DZIP3: variants seen among roughly 807,000 people sequenced by gnomAD.
DZIP3 encodes DAZ interacting zinc finger protein 3.
Under a neutral mutation model 162.0 loss-of-function variants are expected in DZIP3, and 118 were observed. The ratio of observed to expected loss-of-function variants is 0.73; its 90% CI spans 0.63 to 0.85. The LOEUF (loss-of-function observed/expected upper bound fraction) is 0.85, where lower values mean the gene tolerates loss of function less well. Ranked by LOEUF, DZIP3 falls within the 40% of genes least tolerant of loss-of-function variation. The pLI, the probability that DZIP3 is intolerant of heterozygous loss-of-function variation, is 0.00. For missense variants in DZIP3, 1,331 were observed against 1,407.0 expected (o/e 0.95, Z 0.86); for synonymous variants, 438 against 458.6 (o/e 0.96, Z 0.57).
intron 26 of DZIP3, 43 bp from the exon 27 acceptor site, chr3:108,684,173 G>GT (rs752185217): frequency 1.2e-5 from 16 of 1,291,590 alleles, no homozygotes; most frequent in African/African-American, 3.8e-5. Context: ...ATAAATATGT[G>GT]GGGGGGGGTG....
At chr3:108,668,313 A>G (rs181233100) in intron 21 of DZIP3, among the ~76,000 whole-genome samples, 7 of 152,222 alleles carry the variant, frequency 4.6e-5, no homozygotes, top group Non-Finnish European at 8.8e-5. Context: ...TAGATTTTTT[A>G]GAAAGAAAAT....
rs541499840 is a variant in DZIP3, at chr3:108,656,993, C to T, written c.2199+2683C>T. On this transcript the variant is annotated intron_variant, in intron 19 of 32. Coordinates refer to ENST00000361582, the MANE Select transcript of DZIP3 (RefSeq NM_014648.4). ...GAAATATGGGACTATGTGAAAAGAC[C>T]AAATCTACGTCTGATTGGTGTACCT... is the stretch of plus-strand genomic sequence containing the variant. 2.1e-3 allele frequency among the ~76,000 whole-genome samples: 325 copies of T among 152,040 alleles called. 2 individuals carry two copies. Among genetic ancestry groups the T allele is most frequent in the African/African-American group, 7.5e-3 (312 of 41,472 alleles).
chr3:108,667,860 T>C (rs534313936), intron 21 of DZIP3, among the ~76,000 whole-genome samples: 8 of 152,174 alleles, frequency 5.3e-5, no homozygotes, highest in African/African-American at 1.9e-4. Flanking sequence ...GTTAAAGACA[T>C]AGTACTGAAC....
chr3:108,694,034 C>A lies in DZIP3; in HGVS notation c.*681C>A, dbSNP rs1487306702. On this transcript the variant is annotated 3_prime_UTR_variant, in exon 33 of 33. Coordinates refer to ENST00000361582, the MANE Select transcript of DZIP3 (RefSeq NM_014648.4). ...TCAGAATTAAAAGAATTCAGAGTTA[C>A]CTTGTGAGATAAATGTTCTTTGCTT... The A allele has an allele frequency of 6.6e-6, 1 of 152,060 alleles. No individual in the cohort carries two copies. Among genetic ancestry groups the A allele is most frequent in the Non-Finnish European group, 1.5e-5 (1 of 67,996 alleles). 9.4% of individuals were successfully genotyped at this position (152,060 alleles called of 1,614,324 possible).
chr3:108,654,655 T>C (rs1943029157), intron 19 of DZIP3, among the ~76,000 whole-genome samples: 1 of 151,834 alleles, frequency 6.6e-6, no homozygotes, highest in Admixed American at 6.6e-5. Context: ...ATGAGAAAAA[T>C]AGTTTTGTAA....
chr3:108,649,772 G>A (rs1277881691), intron 17 of DZIP3, among the ~76,000 whole-genome samples: 2 of 151,656 alleles, frequency 1.3e-5, no homozygotes, highest in South Asian at 2.1e-4. Context: ...TGTAAAACAC[G>A]AAGTCAAGAT....
In DZIP3 at chr3:108,686,502, G is replaced by T. The variant is rs371922680; in HGVS notation, c.3067G>T (p.Ala1023Ser). The T allele has an allele frequency of 5.6e-6, 9 of 1,612,498 alleles. No individual in the cohort carries two copies. Among genetic ancestry groups the T allele is most frequent in the Non-Finnish European group, 7.6e-6 (9 of 1,179,538 alleles). The change falls in exon 28 of 33, where the codon GCA becomes TCA. Residue 1023 changes from alanine (A) to serine (S), a missense_variant. Ala to Ser is a moderately conservative substitution (Grantham distance 99). Coordinates refer to ENST00000361582, the MANE Select transcript of DZIP3 (RefSeq NM_014648.4). ...TGTGGGAGACGCTGTGCCTCCCAGT[G>T]CAGGTCTGCGGAGTGATCCCTCCAT... ...APVGDAVPPS[A>S]GLRSDPSIMN...
upstream of DZIP3, chr3:108,589,545 C>A: frequency 2.0e-6 from 1 of 502,188 alleles, no homozygotes. Flanking sequence ...TTCTCGGTGA[C>A]GGCCGGGGTG....
chr3:108,674,007 A>G (rs1944013038), intron 23 of DZIP3, 71 bp from the exon 24 acceptor site: 2 of 1,147,292 alleles, frequency 1.7e-6, no homozygotes, highest in Non-Finnish European at 2.6e-6. Context: ...TTTACTTGAG[A>G]TGATTGAGAA....
chr3:108,613,837 T>C (rs1215323658), intron 4 of DZIP3, among the ~76,000 whole-genome samples: 2 of 152,106 alleles, frequency 1.3e-5, no homozygotes, highest in African/African-American at 2.4e-5. Flanking sequence ...AAAGAGATAA[T>C]CTAGAAAACC....
chr3:108,597,576 C>T (rs981566212), intron 1 of DZIP3, among the ~76,000 whole-genome samples: 1 of 152,070 alleles, frequency 6.6e-6, no homozygotes, highest in Non-Finnish European at 1.5e-5. Flanking sequence ...CTTTGCTTAT[C>T]TCACTTTTAA....
intron 13 of DZIP3, among the ~76,000 whole-genome samples, chr3:108,643,440 G>A (rs1454758941): frequency 6.6e-6 from 1 of 151,818 alleles, no homozygotes. Flanking sequence ...GAAATATCCG[G>A]CAATTTTGTT....
intron 21 of DZIP3, among the ~76,000 whole-genome samples, chr3:108,664,650 T>C (rs2107316051): frequency 6.6e-6 from 1 of 152,228 alleles, no homozygotes; most frequent in Middle Eastern, 3.4e-3. Context: ...TATTCCCTTT[T>C]CCCCCCTTCC....
chr3:108,618,156 T>G (rs890255640), intron 5 of DZIP3, among the ~76,000 whole-genome samples: 1 of 152,230 alleles, frequency 6.6e-6, no homozygotes, highest in Non-Finnish European at 1.5e-5. Flanking sequence ...TAATCTTTGC[T>G]GATGGGGAGA....
intron 3 of DZIP3, among the ~76,000 whole-genome samples, chr3:108,610,215 G>A (rs183350833): frequency 1.3e-4 from 20 of 152,246 alleles, no homozygotes; most frequent in Admixed American, 4.6e-4. Context: ...GGGGATGGAG[G>A]AATCTTAATT....
At chr3:108,685,444 TAAC>T (rs916206679) in intron 27 of DZIP3, among the ~76,000 whole-genome samples, 3 of 152,146 alleles carry the variant, frequency 2.0e-5, no homozygotes, top group African/African-American at 7.2e-5. Context: ...TCATGAATAA[TAAC>T]CTAATATTTG....
Position 108,661,887 on chromosome 3 carries a change from G to A in DZIP3, c.2210G>A (p.Gly737Asp), listed in dbSNP as rs747703086. Residue 737 changes from glycine to aspartate, a missense_variant, in exon 20 of 33, where the codon GGC becomes GAC. By Grantham distance (94) the Gly-to-Asp change is moderately conservative. Transcript: ENST00000361582. ...TCCTGTGCTCAATAGGGCTCAGCTG[G>A]CAAAGTAACTACAGACTATGGAGAA... ...ILDMIEQGSA[G>D]KVTTDYGETE... 2 of 1,613,244 alleles carry A rather than the reference G, an allele frequency of 1.2e-6. No homozygotes were observed. Among genetic ancestry groups the A allele is most frequent in the South Asian group, 2.2e-5 (2 of 90,972 alleles).
At chr3:108,638,156 C>G (rs1426272948) in intron 12 of DZIP3, among the ~76,000 whole-genome samples, 2 of 152,144 alleles carry the variant, frequency 1.3e-5, no homozygotes, top group African/African-American at 4.8e-5. Flanking sequence ...GCACAAATCT[C>G]TCTCCTAAAA....
intron 7 of DZIP3, among the ~76,000 whole-genome samples, chr3:108,628,403 AG>A (rs1224564816): frequency 6.6e-6 from 1 of 152,166 alleles, no homozygotes; most frequent in Non-Finnish European, 1.5e-5. Context: ...TGCATATCAA[AG>A]CCCTAATTTT....
Sources: allele counts gnomAD v4.1 joint callset (sites outside exome capture counted in the v4.1 genomes callset), GRCh38; gene constraint gnomAD v4.1.1; transcripts MANE v1.5; gene names NCBI Gene and HGNC (gene_info 2026-07-23, HGNC 2026-07-21).